The following ARHGEF9 variants were observed in gnomAD, a reference collection of about 807,000 sequenced individuals.
ARHGEF9 encodes the protein Cdc42 guanine nucleotide exchange factor 9.
Under a neutral mutation model 41.3 loss-of-function variants are expected in ARHGEF9, and 2 were observed. That is an observed-to-expected ratio of 0.05 (90% CI 0.02 to 0.15). The LOEUF is 0.15. Ranked by LOEUF, ARHGEF9 falls within the 10% of genes least tolerant of loss-of-function variation. ARHGEF9 has a pLI of 1.00. For synonymous variants in ARHGEF9, 160 were observed against 154.4 expected (o/e 1.04, Z -0.27); for missense variants, 225 against 424.7 (o/e 0.53, Z 4.13).
intron 1 of ARHGEF9, among the ~76,000 whole-genome samples, chrX:63,734,928 G>A (rs1409523867): frequency 1.8e-5 from 2 of 111,232 alleles, no homozygotes; most frequent in Non-Finnish European, 3.8e-5. Context: ...ACTCAGCAAT[G>A]CCCTCTCCAT....
At chrX:63,782,085 C>T (rs2056390454) in intron 1 of ARHGEF9, among the ~76,000 whole-genome samples, 1 of 111,367 alleles carries the variant, frequency 9.0e-6, no homozygotes, top group Admixed American at 9.6e-5. Flanking sequence ...GTGATTACCA[C>T]CTCCTGACAT....
chrX:63,635,030 AT>A lies in ARHGEF9; in HGVS notation c.*2997del, dbSNP rs1395540420. ...TCATAAGGCTTTGTGTCATTACAAC[AT>A]TTTTTTTGTTAAACATTTTTTAACA... On this transcript the variant is annotated 3_prime_UTR_variant, in exon 10 of 10. Coordinates refer to ENST00000671741, the MANE Select transcript of ARHGEF9 (RefSeq NM_001353921.2). 65 of 264,043 alleles carry A rather than the reference AT, an allele frequency of 2.5e-4. No individual in the cohort carries two copies. Among genetic ancestry groups the A allele is most frequent in the African/African-American group, 4.1e-4 (14 of 34,341 alleles). 21.8% of individuals were successfully genotyped at this position (264,043 alleles called of 1,213,427 possible).
intron 1 of ARHGEF9, among the ~76,000 whole-genome samples, chrX:63,725,401 G>C (rs1332194708): frequency 8.9e-6 from 1 of 112,026 alleles, no homozygotes; most frequent in African/African-American, 3.2e-5. Context: ...TACAGTAGGG[G>C]GAGAGGTCTG....
At chrX:63,642,298 G>A (rs2047685775) in intron 9 of ARHGEF9, 1 of 111,286 alleles carries the variant, frequency 9.0e-6, no homozygotes. Context: ...TGAGGAACTG[G>A]AGCAAAATCT....
At chrX:63,736,108 T>G (rs2054604594) in intron 1 of ARHGEF9, among the ~76,000 whole-genome samples, 1 of 111,832 alleles carries the variant, frequency 8.9e-6, no homozygotes, top group African/African-American at 3.3e-5. Flanking sequence ...CTGGCTGAGC[T>G]GGCTTCCCCT....
At chrX:63,680,061 G>C (rs2050519644) in intron 4 of ARHGEF9, among the ~76,000 whole-genome samples, 1 of 111,799 alleles carries the variant, frequency 8.9e-6, no homozygotes, top group Non-Finnish European at 1.9e-5. Flanking sequence ...ATAGGAAATT[G>C]ACATTTTAAA....
intron 4 of ARHGEF9, among the ~76,000 whole-genome samples, chrX:63,690,482 A>C (rs2051269027): frequency 8.9e-6 from 1 of 111,926 alleles, no homozygotes; most frequent in South Asian, 3.7e-4. Context: ...AACAAGATCA[A>C]AACAGTAATA....
At chrX:63,754,752 G>T (rs2055859916) in intron 1 of ARHGEF9, 1 of 950,598 alleles carries the variant, frequency 1.1e-6, no homozygotes, top group African/African-American at 2.0e-5. Context: ...GGGGAGGGGA[G>T]GGGGATGGGG....
chrX:63,636,654 G>A lies in ARHGEF9; in HGVS notation c.*1374C>T. 1 of 278,257 alleles carries A rather than the reference G, an allele frequency of 3.6e-6. No homozygotes were observed. The highest frequency in any genetic ancestry group is 6.3e-6 in the Non-Finnish European group (1 of 158,339). 22.9% of individuals were successfully genotyped at this position (278,257 alleles called of 1,213,427 possible). ...GCAGGAGAAAGAAGAAAGAGAGAGG[G>A]AAAGAAAGAAGCCAGGGAAGATTGT... On this transcript the variant is annotated 3_prime_UTR_variant, in exon 10 of 10. Coordinates refer to ENST00000671741, the MANE Select transcript of ARHGEF9 (RefSeq NM_001353921.2).
At chrX:63,738,082 C>T (rs2054724507) in intron 1 of ARHGEF9, among the ~76,000 whole-genome samples, 1 of 111,849 alleles carries the variant, frequency 8.9e-6, no homozygotes, top group African/African-American at 3.3e-5. Flanking sequence ...CAAACCTGAA[C>T]CCAGACAGTT....
chrX:63,783,376 G>A (rs2056413008), intron 1 of ARHGEF9, among the ~76,000 whole-genome samples: 3 of 108,600 alleles, frequency 2.8e-5, no homozygotes, highest in South Asian at 8.3e-4. Flanking sequence ...CTGGGTTCGA[G>A]TGATTCTCCT....
chrX:63,772,566 C>A (rs1244588363), intron 1 of ARHGEF9, among the ~76,000 whole-genome samples: 1 of 111,807 alleles, frequency 8.9e-6, no homozygotes, highest in Admixed American at 9.5e-5. Flanking sequence ...TTTCAGAGGG[C>A]ATTACTGAGG....
chrX:63,659,313 G>A (rs1407584319), intron 7 of ARHGEF9, among the ~76,000 whole-genome samples: 4 of 112,167 alleles, frequency 3.6e-5, no homozygotes, highest in African/African-American at 1.3e-4. Flanking sequence ...GTTAATGGTA[G>A]TCTGAGTGCC....
At chrX:63,670,458 C>A in intron 6 of ARHGEF9, 1 of 109,284 alleles carries the variant, frequency 9.2e-6, no homozygotes, top group Non-Finnish European at 1.9e-5. Context: ...AGGGATCCCA[C>A]AAAGAGGAAA....
rs572171494 is a variant in ARHGEF9 at position 63,739,336 on chromosome X, A to T, written c.31-14625T>A. Among the ~76,000 whole-genome samples the T allele has an allele frequency of 2.7e-5, 3 of 111,876 alleles. No individual in the cohort carries two copies. In the East Asian group the frequency reaches 8.4e-4, roughly 31 times the overall value. On this transcript the variant is annotated intron_variant, in intron 1 of 9. Coordinates refer to ENST00000671741, the MANE Select transcript of ARHGEF9 (RefSeq NM_001353921.2). ...CTGCTTCCAACATGCAGGAGACAGC[A>T]GGACATGAGCTGCTGTAGGAGGGAT...
chrX:63,726,796 T>C (rs1479249085), intron 1 of ARHGEF9: 3 of 111,980 alleles, frequency 2.7e-5, no homozygotes, highest in African/African-American at 9.7e-5. Flanking sequence ...TCATTATCTA[T>C]ACTGAACTCC....
chrX:63,686,904 G>C (rs1556376172), intron 4 of ARHGEF9, among the ~76,000 whole-genome samples: 1 of 110,661 alleles, frequency 9.0e-6, no homozygotes, highest in Non-Finnish European at 1.9e-5. Context: ...TCAAAATCAA[G>C]GTTCCTATAA....
chrX:63,653,542 G>A lies in ARHGEF9; in HGVS notation c.1321+1952C>T, dbSNP rs781972325. On this transcript the variant is annotated intron_variant, in intron 8 of 9. Transcript: ENST00000671741. ...AGTTAGATTCTATATTATTTATCTG[G>A]GGAGTTACTTATGATAAATTAAGTT... Among the ~76,000 whole-genome samples the A allele has an allele frequency of 4.5e-5, 5 of 110,991 alleles. No homozygotes were observed. In the South Asian group the frequency reaches 1.9e-3, roughly 43 times the overall value.
chrX:63,642,075 A>AATAAACCCAT (rs2047671603), intron 9 of ARHGEF9: 1 of 111,318 alleles, frequency 9.0e-6, no homozygotes, highest in Non-Finnish European at 1.9e-5. Flanking sequence ...AATACTCCTT[A>AATAAACCCAT]ATAAACTCAT....
Sources: gnomAD v4.1 joint callset for allele counts (sites outside exome capture counted in the v4.1 genomes callset) on GRCh38, gnomAD v4.1.1 for gene constraint, MANE v1.5 for transcripts, NCBI Gene and HGNC (gene_info 2026-07-23, HGNC 2026-07-21) for gene names.